TIAM1: variants seen among roughly 807,000 people sequenced by gnomAD.
TIAM1 encodes rho guanine nucleotide exchange factor TIAM1.
Under a neutral mutation model 163.5 loss-of-function variants are expected in TIAM1, and 65 were observed. The observed-to-expected ratio is 0.40, with a 90% CI of 0.33 to 0.49. The LOEUF (loss-of-function observed/expected upper bound fraction) is 0.49, where lower values mean the gene tolerates loss of function less well. Among genes scored for constraint, TIAM1 ranks in the 20% least tolerant of loss-of-function variants. The pLI is 0.77. For missense variants in TIAM1, 1,789 were observed against 2,044.7 expected, an observed-to-expected ratio of 0.87 and a Z score of 2.41; for synonymous variants, 833 against 810.1, an observed-to-expected ratio of 1.03 and a Z score of -0.48.
chr21:31,432,676 G>A (rs1028471798), intron 2 of TIAM1, among the ~76,000 whole-genome samples: 1 of 152,186 alleles, frequency 6.6e-6, no homozygotes, highest in Admixed American at 6.5e-5. Context: ...GATTTTCCAG[G>A]GAAACAGTAG....
intron 17 of TIAM1, among the ~76,000 whole-genome samples, chr21:31,153,547 AC>A (rs2083475339): frequency 6.6e-6 from 1 of 152,162 alleles, no homozygotes; most frequent in Non-Finnish European, 1.5e-5. Context: ...TAAACAGATC[AC>A]CCTGCTTTCG....
upstream of TIAM1, among the ~76,000 whole-genome samples, chr21:31,347,357 G>C (rs1237462589): frequency 1.3e-5 from 2 of 152,168 alleles, no homozygotes; most frequent in Non-Finnish European, 2.9e-5. Flanking sequence ...TAGCATCCAA[G>C]AATTTACTGC....
rs1413167032 is a variant in TIAM1 at position 31,124,569 on chromosome 21, T to C, written c.4259A>G (p.Lys1420Arg). 1 of 1,613,800 alleles carries C rather than the reference T, an allele frequency of 6.2e-7. No individual in the cohort carries two copies. Among genetic ancestry groups the C allele is most frequent in the Non-Finnish European group, 8.5e-7 (1 of 1,179,958 alleles). ...SSQQYVPFGG[K>R]RLCALKGARP... ...GGCCCCCTTCAGTGCACACAATCTT[T>C]TGCCTCCAAAAGGGACATATTGCTG... The change falls in exon 27 of 28, where the codon AAA becomes AGA. Residue 1420 changes from lysine to arginine, a missense_variant. Transcript: ENST00000541036.
chr21:31,530,508 T>G (rs1403102290), intron 1 of TIAM1, among the ~76,000 whole-genome samples: 1 of 152,234 alleles, frequency 6.6e-6, no homozygotes, highest in Non-Finnish European at 1.5e-5. Flanking sequence ...CTCAACGTAC[T>G]AAAGCATATT....
chr21:31,226,214 G>T (rs565173412), intron 6 of TIAM1, among the ~76,000 whole-genome samples: 1 of 152,284 alleles, frequency 6.6e-6, no homozygotes, highest in East Asian at 1.9e-4. Context: ...TGTACTTACT[G>T]AACTCACTTG....
chr21:31,353,833 A>ATTTT (rs2076272701), intron 2 of TIAM1, among the ~76,000 whole-genome samples: 3 of 38,054 alleles, frequency 7.9e-5, no homozygotes, highest in Non-Finnish European at 1.6e-4. Flanking sequence ...TTATTTATTT[A>ATTTT]TCTTTTTTTT....
At chr21:31,149,847 A>G (rs990337858) in intron 19 of TIAM1, among the ~76,000 whole-genome samples, 2 of 152,196 alleles carry the variant, frequency 1.3e-5, no homozygotes, top group Non-Finnish European at 2.9e-5. Context: ...ACTTATTTCA[A>G]ATGAAGAGCA....
chr21:31,273,373 G>C (rs1370557666), intron 3 of TIAM1, among the ~76,000 whole-genome samples: 3 of 152,152 alleles, frequency 2.0e-5, no homozygotes, highest in Non-Finnish European at 4.4e-5. Context: ...CAAGTGACAG[G>C]CTCACTCCTC....
intron 19 of TIAM1, among the ~76,000 whole-genome samples, chr21:31,151,536 A>G (rs1240400068): frequency 6.6e-6 from 1 of 152,172 alleles, no homozygotes; most frequent in East Asian, 1.9e-4. Context: ...AACAGGGAGC[A>G]GAGCATGGAG....
chr21:31,391,581 C>T (rs965428687), intron 2 of TIAM1, among the ~76,000 whole-genome samples: 3 of 152,162 alleles, frequency 2.0e-5, no homozygotes, highest in Admixed American at 6.5e-5. Flanking sequence ...GCTAAGATCG[C>T]ACCATTGCAC....
At chr21:31,507,178 AATT>A (rs2047058021) in intron 1 of TIAM1, among the ~76,000 whole-genome samples, 1 of 65,756 alleles carries the variant, frequency 1.5e-5, no homozygotes, top group African/African-American at 6.2e-5. Context: ...GCACCTTTTT[AATT>A]TTTTTTTTTT....
chr21:31,324,630 C>CA (rs2075425453), intron 2 of TIAM1, among the ~76,000 whole-genome samples: 1 of 152,150 alleles, frequency 6.6e-6, no homozygotes, highest in South Asian at 2.1e-4. Context: ...TGCTCTCAGC[C>CA]ATCTTTTCTG....
At chr21:31,342,162 C>T in intron 1 of TIAM1, among the ~76,000 whole-genome samples, 1 of 151,890 alleles carries the variant, frequency 6.6e-6, no homozygotes. Flanking sequence ...AATTTAAAAA[C>T]AGTCAGATAA....
At chr21:31,134,873 A>G (rs953982880) in intron 23 of TIAM1, among the ~76,000 whole-genome samples, 5 of 152,196 alleles carry the variant, frequency 3.3e-5, no homozygotes, top group Admixed American at 2.0e-4. Context: ...AATTTTGGGA[A>G]TATTAGTAAC....
At chr21:31,459,115 A>G (rs891565070) in intron 2 of TIAM1, among the ~76,000 whole-genome samples, 5 of 73,720 alleles carry the variant, frequency 6.8e-5, no homozygotes, top group African/African-American at 2.8e-4. Flanking sequence ...CTTGATTGCT[A>G]TTGATTGATT....
chr21:31,478,784 T>C (rs1383296108), intron 1 of TIAM1, among the ~76,000 whole-genome samples: 2 of 152,152 alleles, frequency 1.3e-5, no homozygotes, highest in African/African-American at 2.4e-5. Flanking sequence ...TTCAACTCCA[T>C]AGATGTGTCA....
At chr21:31,518,639 C>T (rs994595074) in intron 1 of TIAM1, among the ~76,000 whole-genome samples, 10 of 151,898 alleles carry the variant, frequency 6.6e-5, no homozygotes, top group African/African-American at 2.2e-4. Context: ...AATGAAATAC[C>T]ATCATCAGTC....
chr21:31,197,660 C>T (rs980437036), intron 12 of TIAM1, among the ~76,000 whole-genome samples: 10 of 152,104 alleles, frequency 6.6e-5, no homozygotes, highest in African/African-American at 9.6e-5. Context: ...TGAGCCACCG[C>T]GCCCAGCCGG....
At chr21:31,514,753 C>G (rs1278054210) in intron 1 of TIAM1, among the ~76,000 whole-genome samples, 1 of 152,206 alleles carries the variant, frequency 6.6e-6, no homozygotes, top group Non-Finnish European at 1.5e-5. Flanking sequence ...CTCCAGCGTT[C>G]TGAACTGCAG....
Sources: gnomAD v4.1 joint callset for allele counts (sites outside exome capture counted in the v4.1 genomes callset) on GRCh38, gnomAD v4.1.1 for gene constraint, MANE v1.5 for transcripts, NCBI Gene and HGNC (gene_info 2026-07-23, HGNC 2026-07-21) for gene names.